GPHN: variants seen among roughly 807,000 people sequenced by gnomAD.
GPHN encodes gephyrin.
GPHN carries 17 observed loss-of-function variants against 95.5 expected under a neutral mutation model. The ratio of observed to expected loss-of-function variants is 0.18; its 90% CI spans 0.12 to 0.27. GPHN has a LOEUF of 0.27. Ranked by LOEUF, GPHN falls within the 10% of genes least tolerant of loss-of-function variation. The pLI is 1.00. For missense variants in GPHN, 660 were observed against 978.1 expected, an observed-to-expected ratio of 0.67 and a Z score of 4.34; for synonymous variants, 320 against 322.5, an observed-to-expected ratio of 0.99 and a Z score of 0.08.
intron 6 of GPHN, among the ~76,000 whole-genome samples, 172 bp from the exon 7 acceptor site, chr14:66,922,494 A>G (rs2066274730): frequency 6.6e-6 from 1 of 152,174 alleles, no homozygotes; most frequent in Non-Finnish European, 1.5e-5. Context: ...GCTATAACAT[A>G]TTTTATGCTT....
At chr14:66,684,857 C>T (rs936985340) in intron 2 of GPHN, among the ~76,000 whole-genome samples, 2 of 151,882 alleles carry the variant, frequency 1.3e-5, no homozygotes, top group Non-Finnish European at 1.5e-5. Context: ...CTCATTAACT[C>T]GTCATTTACA....
intron 4 of GPHN, among the ~76,000 whole-genome samples, chr14:66,830,813 A>G (rs1181691687): frequency 6.6e-6 from 1 of 152,006 alleles, no homozygotes; most frequent in Non-Finnish European, 1.5e-5. Context: ...CTTTTCTACA[A>G]ATTTTTTTCA....
chr14:66,736,398 T>C (rs2072273753), intron 2 of GPHN, among the ~76,000 whole-genome samples: 1 of 134,602 alleles, frequency 7.4e-6, no homozygotes, highest in South Asian at 2.3e-4. Context: ...TTTCTTTTTT[T>C]TTTCTTTTTT....
the GPHN span, among the ~76,000 whole-genome samples, chr14:67,297,261 C>G: frequency 5.9e-5 from 9 of 152,038 alleles, no homozygotes; most frequent in Non-Finnish European, 2.9e-5. Context: ...TGCAATAAAA[C>G]AGGAAGAAGT....
At chr14:67,179,778 A>C (rs1427368301) in intron 22 of GPHN, 104 bp downstream of exon 22, 13 of 732,514 alleles carry the variant, frequency 1.8e-5, no homozygotes, top group Non-Finnish European at 2.9e-5. Flanking sequence ...ATTATTATAC[A>C]TTTTTCTTTT....
the GPHN span, among the ~76,000 whole-genome samples, chr14:67,705,283 G>T: frequency 6.6e-6 from 1 of 152,172 alleles, no homozygotes; most frequent in Non-Finnish European, 1.5e-5. Flanking sequence ...CAACATACAA[G>T]TTAAAATGTC....
the GPHN span, chr14:67,279,685 C>T: frequency 5.8e-5 from 41 of 701,858 alleles, no homozygotes; most frequent in Middle Eastern, 4.2e-4. Flanking sequence ...GTGGAAACGC[C>T]GTATAACTAT....
intron 11 of GPHN, among the ~76,000 whole-genome samples, chr14:67,061,569 A>G (rs144535457): frequency 6.4e-4 from 97 of 152,268 alleles, no homozygotes; most frequent in East Asian, 5.8e-3. Context: ...GATTTCTTCT[A>G]ATATTTTTGT....
chr14:67,356,097 T>C, the GPHN span, among the ~76,000 whole-genome samples: 1 of 152,166 alleles, frequency 6.6e-6, no homozygotes, highest in South Asian at 2.1e-4. Context: ...TAATTTCATA[T>C]GACTGGTGTT....
At chr14:66,570,265 G>C (rs1021589692) in intron 1 of GPHN, among the ~76,000 whole-genome samples, 1 of 147,584 alleles carries the variant, frequency 6.8e-6, no homozygotes, top group Non-Finnish European at 1.5e-5. Context: ...TGGGAGTGCA[G>C]ATATCTATTT....
intron 9 of GPHN, among the ~76,000 whole-genome samples, chr14:66,974,353 A>G (rs1290147137): frequency 6.6e-6 from 1 of 151,924 alleles, no homozygotes; most frequent in Non-Finnish European, 1.5e-5. Flanking sequence ...TTTTTCGTTC[A>G]TGCAAGTGTC....
At chr14:66,791,523 A>G (rs1356925993) in intron 3 of GPHN, among the ~76,000 whole-genome samples, 8 of 152,246 alleles carry the variant, frequency 5.3e-5, no homozygotes, top group Admixed American at 4.6e-4. Flanking sequence ...GAGTTTTCCA[A>G]GAAAAGGGGA....
chr14:67,083,231 C>T (rs531357274), intron 11 of GPHN, among the ~76,000 whole-genome samples: 1 of 149,716 alleles, frequency 6.7e-6, no homozygotes, highest in South Asian at 2.2e-4. Context: ...GGATCTATGC[C>T]CCCCCCCCTC....
intron 1 of GPHN, among the ~76,000 whole-genome samples, chr14:66,602,518 T>G (rs1398119843): frequency 6.6e-6 from 1 of 152,016 alleles, no homozygotes; most frequent in Non-Finnish European, 1.5e-5. Flanking sequence ...TTGACACATA[T>G]AACTTGAAAT....
intron 2 of GPHN, among the ~76,000 whole-genome samples, chr14:66,702,258 C>A (rs1177420945): frequency 6.6e-6 from 1 of 152,166 alleles, no homozygotes; most frequent in African/African-American, 2.4e-5. Flanking sequence ...AGTGGGTTTT[C>A]CCCCAGTGAA....
chr14:67,702,262 C>A, the GPHN span, among the ~76,000 whole-genome samples: 15 of 152,226 alleles, frequency 9.9e-5, no homozygotes, highest in African/African-American at 2.6e-4. Context: ...AGCCACCATG[C>A]CTGGCCTGTG....
chr14:66,978,493 C>T (rs1185162800), intron 9 of GPHN, among the ~76,000 whole-genome samples: 3 of 152,168 alleles, frequency 2.0e-5, no homozygotes. Flanking sequence ...CAAGGAACTC[C>T]TTTCTTTGTT....
At chr14:67,534,907 A>C in the GPHN span, among the ~76,000 whole-genome samples, 3 of 152,236 alleles carry the variant, frequency 2.0e-5, no homozygotes, top group Non-Finnish European at 2.9e-5. Context: ...AATGGTGTAC[A>C]TCATTGAATA....
chr14:66,914,987 T>C (rs2065837722), intron 5 of GPHN, among the ~76,000 whole-genome samples: 1 of 152,112 alleles, frequency 6.6e-6, no homozygotes, highest in East Asian at 1.9e-4. Flanking sequence ...CCTTAAAGTT[T>C]TTAATGAAAT....
Sources: allele counts gnomAD v4.1 joint callset (sites outside exome capture counted in the v4.1 genomes callset), GRCh38; gene constraint gnomAD v4.1.1; transcripts MANE v1.5; gene names NCBI Gene and HGNC (gene_info 2026-07-23, HGNC 2026-07-21).